The following SHANK2 variants were observed in gnomAD, a reference collection of about 807,000 sequenced individuals.
The protein encoded by SHANK2 is SH3 and multiple ankyrin repeat domains 2, also known as SH3 and multiple ankyrin repeat domains protein 2.
Under a neutral mutation model 133.7 loss-of-function variants are expected in SHANK2, and 43 were observed. The observed-to-expected ratio is 0.32, with a 90% confidence interval of 0.25 to 0.41. The LOEUF (loss-of-function observed/expected upper bound fraction) is 0.41. Ranked by LOEUF, SHANK2 falls within the 10% of genes least tolerant of loss-of-function variation. The probability of loss-of-function intolerance (pLI) is 1.00; values close to 1 mark genes in which losing one functional copy is unlikely to be tolerated. For synonymous variants in SHANK2, 1,017 were observed against 952.8 expected (o/e 1.07, Z -1.24); for missense variants, 1,994 against 2,235.8 (o/e 0.89, Z 2.18).
At chr11:70,810,697 T>C (rs1555053017) in intron 12 of SHANK2, among the ~76,000 whole-genome samples, 1 of 152,112 alleles carries the variant, frequency 6.6e-6, no homozygotes, top group Non-Finnish European at 1.5e-5. Context: ...ATTTTCTTAT[T>C]TGTAAAATAG....
intron 10 of SHANK2, among the ~76,000 whole-genome samples, chr11:70,936,057 A>G (rs1344358331): frequency 5.9e-5 from 9 of 152,216 alleles, no homozygotes; most frequent in Non-Finnish European, 1.5e-5. Flanking sequence ...ATTTGGCCAC[A>G]TTAATGTCTC....
chr11:70,544,416 G>A (rs144329905), intron 17 of SHANK2, among the ~76,000 whole-genome samples: 1 of 152,228 alleles, frequency 6.6e-6, no homozygotes, highest in African/African-American at 2.4e-5. Context: ...GGGTTTGGAG[G>A]GGGGCAAGGC....
At chr11:70,698,659 G>GTCCTGGAAGAGAAAGCAGCGCGTC (rs1945452211) in intron 15 of SHANK2, 29 bp downstream of exon 15, 1 of 718,582 alleles carries the variant, frequency 1.4e-6, no homozygotes, top group East Asian at 2.7e-5. Flanking sequence ...TGACCAGAGG[G>GTCCTGGAAGAGAAAGCAGCGCGTC]TCCTGGAAGA....
In SHANK2 at chr11:71,175,545, GGAGAGGGA is replaced by G. The variant is rs782053583; in HGVS notation, c.-12-28215_-12-28208del. ...GACAGACAGACAGACAGAGGGAGAG[GGAGAGGGA>G]GAGAGAGAGAGAGAGAGAGAGAGAG... On this transcript the variant is annotated intron_variant, in intron 2 of 25. Coordinates refer to ENST00000601538, the MANE Select transcript of SHANK2 (RefSeq NM_012309.5). This position sits in a 1 kb window ranked among gnomAD's most constrained non-coding sequence, Gnocchi z 4.2. Among the ~76,000 whole-genome samples the G allele has an allele frequency of 0.096, 7,404 of 77,122 alleles. 201 individuals carry two copies. The highest frequency in any genetic ancestry group is 0.14 in the Non-Finnish European group (5,031 of 36,416). 50.6% of individuals were successfully genotyped at this position (77,122 alleles called of 152,430 possible).
At chr11:70,538,759 T>C (rs2059576861) in intron 17 of SHANK2, among the ~76,000 whole-genome samples, 1 of 152,134 alleles carries the variant, frequency 6.6e-6, no homozygotes, top group South Asian at 2.1e-4. Context: ...GGGCAGAGCC[T>C]CCAGGGAACA....
intron 17 of SHANK2, among the ~76,000 whole-genome samples, chr11:70,556,686 G>C (rs2059836545): frequency 6.6e-6 from 1 of 151,232 alleles, no homozygotes; most frequent in Admixed American, 6.6e-5. Context: ...CAGCCTCCCA[G>C]GATCAAGTAA....
At chr11:70,862,303 G>A (rs1949272018) in intron 11 of SHANK2, among the ~76,000 whole-genome samples, 1 of 152,202 alleles carries the variant, frequency 6.6e-6, no homozygotes, top group African/African-American at 2.4e-5. Context: ...GGTCTTTGTT[G>A]AAAGATCCCT....
intron 14 of SHANK2, among the ~76,000 whole-genome samples, chr11:70,755,782 G>A (rs899916004): frequency 3.9e-5 from 6 of 152,230 alleles, no homozygotes; most frequent in African/African-American, 1.2e-4. Flanking sequence ...AAGACACCGC[G>A]CCAGCAGATT....
chr11:71,067,213 A>C (rs1951075750), intron 9 of SHANK2, among the ~76,000 whole-genome samples: 1 of 152,196 alleles, frequency 6.6e-6, no homozygotes, highest in Non-Finnish European at 1.5e-5. Flanking sequence ...CAGCTCGGAC[A>C]GGTTCCCCGT....
At chr11:70,613,639 G>T (rs1221620421) in intron 17 of SHANK2, among the ~76,000 whole-genome samples, 2 of 152,156 alleles carry the variant, frequency 1.3e-5, no homozygotes, top group Non-Finnish European at 2.9e-5. Context: ...ATCTCAGGAG[G>T]TGACCTTATT....
intron 11 of SHANK2, among the ~76,000 whole-genome samples, chr11:70,868,636 T>C (rs1388702935): frequency 1.3e-5 from 2 of 152,144 alleles, no homozygotes; most frequent in African/African-American, 2.4e-5. Flanking sequence ...CATGTCCACA[T>C]CTTACACAGT....
chr11:71,230,503 A>C (rs1954725135), intron 1 of SHANK2, among the ~76,000 whole-genome samples: 1 of 151,372 alleles, frequency 6.6e-6, no homozygotes, highest in African/African-American at 2.4e-5. Context: ...CGGGAGGTGG[A>C]GATTGCAGTG....
At chr11:70,909,154 A>G (rs1175660523) in intron 10 of SHANK2, among the ~76,000 whole-genome samples, 3 of 152,256 alleles carry the variant, frequency 2.0e-5, no homozygotes, top group Non-Finnish European at 4.4e-5. Context: ...TGAAATAGCA[A>G]TGGCATTGAA....
intron 11 of SHANK2, among the ~76,000 whole-genome samples, chr11:70,827,580 G>C (rs1555057438): frequency 6.6e-6 from 1 of 151,210 alleles, no homozygotes; most frequent in African/African-American, 2.4e-5. Context: ...CAGGGGCAAG[G>C]TTCTGTTGCC....
chr11:71,250,382 G>A (rs12574392), intron 1 of SHANK2, among the ~76,000 whole-genome samples: 1 of 152,144 alleles, frequency 6.6e-6, no homozygotes, highest in Admixed American at 6.5e-5. Context: ...GAATCATTCA[G>A]GCACTACTGG....
chr11:71,126,731 T>A (rs1952196898), intron 3 of SHANK2, among the ~76,000 whole-genome samples: 1 of 150,626 alleles, frequency 6.6e-6, no homozygotes, highest in Non-Finnish European at 1.5e-5. Context: ...ACGACTTTTT[T>A]TTTTTTTTTT....
chr11:70,545,741 C>T (rs1297674996), intron 17 of SHANK2, among the ~76,000 whole-genome samples: 1 of 152,354 alleles, frequency 6.6e-6, no homozygotes, highest in East Asian at 1.9e-4. Context: ...GACAGTACCT[C>T]CCAGAGTCAG....
chr11:70,885,759 G>A (rs571294737), intron 11 of SHANK2, among the ~76,000 whole-genome samples: 15 of 152,240 alleles, frequency 9.9e-5, no homozygotes, highest in South Asian at 4.2e-4. Flanking sequence ...CACACAAGAC[G>A]GCTGATCCTC....
chr11:70,795,407 C>CTTTTTTTT (rs71049944), intron 14 of SHANK2, among the ~76,000 whole-genome samples: 1 of 128,454 alleles, frequency 7.8e-6, no homozygotes, highest in Non-Finnish European at 1.6e-5. Flanking sequence ...CTTTCTTTTT[C>CTTTTTTTT]TTTTTTTTTT....
Sources: gnomAD v4.1 joint callset for allele counts (sites outside exome capture counted in the v4.1 genomes callset) on GRCh38, gnomAD v4.1.1 for gene constraint, Gnocchi (gnomAD v3.1) non-coding constraint, MANE v1.5 for transcripts, NCBI Gene and HGNC (gene_info 2026-07-23, HGNC 2026-07-21) for gene names.